The following MTUS2 variants were observed in gnomAD, a reference collection of about 807,000 sequenced individuals.
MTUS2 encodes microtubule-associated tumor suppressor candidate 2.
In MTUS2, 40 loss-of-function variants were observed where a neutral mutation model predicts 114.1. The ratio of observed to expected loss-of-function variants is 0.35; its 90% CI spans 0.27 to 0.46. MTUS2 has a LOEUF of 0.46. MTUS2 is among the 20% of genes least tolerant of loss of function. The pLI, the probability that MTUS2 is intolerant of heterozygous loss-of-function variation, is 1.00. For missense variants in MTUS2, 1,679 were observed against 1,705.4 expected (o/e 0.98, Z 0.27); for synonymous variants, 688 against 672.0 (o/e 1.02, Z -0.37).
chr13:29,314,972 A>G (rs564673879), intron 6 of MTUS2, among the ~76,000 whole-genome samples: 16 of 152,248 alleles, frequency 1.1e-4, no homozygotes, highest in Non-Finnish European at 1.8e-4. Flanking sequence ...CATATACACA[A>G]TGGAATACCA....
In MTUS2 at chr13:28,908,239, C is replaced by G. The variant is rs140228520; in HGVS notation, c.-243+68389C>G. Among the ~76,000 whole-genome samples, 21 of 151,560 alleles carry G rather than the reference C, an allele frequency of 1.4e-4. 1 individual carries two copies. The highest frequency in any genetic ancestry group is 4.9e-4 in the African/African-American group (20 of 41,096). ...ATGTGCCATGTTGTTGTGCTGCACC[C>G]AGTAACTTGTCATTTAACATTAGGT... On this transcript the variant is annotated intron_variant, in intron 2 of 15. Transcript: ENST00000612955.
chr13:29,153,040 T>C (rs954503587), intron 5 of MTUS2, among the ~76,000 whole-genome samples: 8 of 152,174 alleles, frequency 5.3e-5, no homozygotes, highest in Admixed American at 3.3e-4. Flanking sequence ...CCTGGAGAAA[T>C]ACCCTAACCC....
rs1899887764 is a variant in MTUS2 at position 29,314,098 on chromosome 13, AG to A, written c.2807-10513del. ...AGCAGACCAAGAAAGAGGAAGGCAT[AG>A]GAACCTGAAGTAGGAAGAAAGCAAA... On this transcript the variant is annotated intron_variant, in intron 6 of 15. Transcript: ENST00000612955. Among the ~76,000 whole-genome samples, 5 of 152,340 alleles carry A rather than the reference AG, an allele frequency of 3.3e-5. No homozygotes were observed. The South Asian group carries it at 1.0e-3, about 32-fold the overall frequency.
At position 29,498,533 on chromosome 13, in the gene MTUS2, A is replaced by G; in HGVS notation, c.3794A>G (p.Lys1265Arg). ...EQEKKILELEKLAEKNIILEE... is the reference protein window; with the variant it reads ...EQEKKILELERLAEKNIILEE... ...GAAAAGAAGATTCTTGAGCTGGAAA[A>G]GCTGGTGAGTTGGTCTGTTTGCTCG... The change falls in exon 14 of 16, where the codon AAG becomes AGG. Residue 1265 changes from lysine to arginine, a missense_variant. Lys to Arg is a conservative substitution (Grantham distance 26, BLOSUM62 2). Around this residue, in one of 3 missense-constraint regions of MTUS2, gnomAD observed 822 missense variants for 899.7 expected, o/e 0.91. Transcript: ENST00000612955. 3.1e-6 allele frequency: 5 copies of G among 1,614,104 alleles called. No individual in the cohort carries two copies. The highest frequency in any genetic ancestry group is 4.2e-6 in the Non-Finnish European group (5 of 1,179,980).
chr13:29,235,366 T>C (rs925861820), intron 5 of MTUS2, among the ~76,000 whole-genome samples: 1 of 152,204 alleles, frequency 6.6e-6, no homozygotes, highest in Non-Finnish European at 1.5e-5. Context: ...GTGCTGGGAT[T>C]GCAGGCATGA....
At chr13:29,355,313 G>C (rs951682443) in intron 7 of MTUS2, among the ~76,000 whole-genome samples, 8 of 152,246 alleles carry the variant, frequency 5.3e-5, no homozygotes, top group Admixed American at 2.0e-4. Flanking sequence ...ACAGTTGCCA[G>C]CTGCCACTGA....
intron 5 of MTUS2, among the ~76,000 whole-genome samples, chr13:29,213,146 C>G (rs111739660): frequency 0.017 from 1,593 of 94,762 alleles, no homozygotes; most frequent in East Asian, 0.065. Context: ...AAGTGCAAGG[C>G]TTTTAGGAGC....
In MTUS2 at chr13:28,885,234, C is replaced by T. The variant is rs554501280; in HGVS notation, c.-243+45384C>T. On this transcript the variant is annotated intron_variant, in intron 2 of 15. Coordinates refer to ENST00000612955, the MANE Select transcript of MTUS2 (RefSeq NM_001033602.4). The stretch of plus-strand genomic sequence containing the variant: ...GGTAAACATTAGTGAGAAAGTTTGG[C>T]GAGAATACAGACATATGTGTTCAAC... Among the ~76,000 whole-genome samples the T allele has an allele frequency of 4.6e-5, 7 of 152,078 alleles. 1 individual carries two copies. Among genetic ancestry groups the T allele is most frequent in the Admixed American group, 3.3e-4 (5 of 15,270 alleles).
intron 2 of MTUS2, among the ~76,000 whole-genome samples, chr13:28,962,095 T>G (rs1216521437): frequency 6.6e-6 from 1 of 151,476 alleles, no homozygotes; most frequent in Non-Finnish European, 1.5e-5. Flanking sequence ...TATATACATA[T>G]AAAATGAAGA....
chr13:29,289,973 A>G (rs1898639633), intron 6 of MTUS2, among the ~76,000 whole-genome samples: 1 of 152,086 alleles, frequency 6.6e-6, no homozygotes, highest in Admixed American at 6.5e-5. Flanking sequence ...CCCATGATCA[A>G]ATTTCTTTTT....
chr13:28,893,671 C>T (rs749769298), intron 2 of MTUS2, among the ~76,000 whole-genome samples: 1 of 152,126 alleles, frequency 6.6e-6, no homozygotes, highest in Non-Finnish European at 1.5e-5. Context: ...TGCTGGTTCC[C>T]TGGAGGAGCT....
chr13:29,503,290 C>CA lies in MTUS2; in HGVS notation c.*84_*85insA. ...GAGCACCGACCCGGTGCCGCCGGAG[C>CA]TGGCCCTGTGCGCATGCTCAGTAGC... On this transcript the variant is annotated 3_prime_UTR_variant, in exon 16 of 16. Transcript: ENST00000612955. The CA allele has an allele frequency of 1.3e-6, 2 of 1,496,562 alleles. No individual in the cohort carries two copies. The highest frequency in any genetic ancestry group is 1.8e-6 in the Non-Finnish European group (2 of 1,093,270). 92.7% of individuals were successfully genotyped at this position (1,496,562 alleles called of 1,614,324 possible).
intron 1 of MTUS2, among the ~76,000 whole-genome samples, chr13:28,828,076 C>T (rs1034660389): frequency 7.9e-5 from 12 of 152,126 alleles, no homozygotes; most frequent in African/African-American, 4.8e-5. Flanking sequence ...ACCGCTTATC[C>T]ACAACCGTAA....
intron 2 of MTUS2, among the ~76,000 whole-genome samples, chr13:29,015,102 T>G (rs1462990344): frequency 6.6e-6 from 1 of 152,182 alleles, no homozygotes; most frequent in Non-Finnish European, 1.5e-5. Flanking sequence ...GGAACAGAAA[T>G]CAGATCATTG....
chr13:29,406,194 TTA>T (rs2138520716), intron 8 of MTUS2, among the ~76,000 whole-genome samples: 1 of 152,302 alleles, frequency 6.6e-6, no homozygotes, highest in South Asian at 2.1e-4. Flanking sequence ...CCTGTCTTAG[TTA>T]TCTATTGTTG....
chr13:29,338,594 A>G (rs1242560374), intron 7 of MTUS2, among the ~76,000 whole-genome samples: 1 of 138,668 alleles, frequency 7.2e-6, no homozygotes, highest in Non-Finnish European at 1.6e-5. Flanking sequence ...CATCTCAGAA[A>G]ACAAAAAAAA....
chr13:28,896,729 G>A (rs1879294491), intron 2 of MTUS2, among the ~76,000 whole-genome samples: 1 of 152,138 alleles, frequency 6.6e-6, no homozygotes, highest in Non-Finnish European at 1.5e-5. Flanking sequence ...ACAGAACACA[G>A]CCCTCAGAAA....
chr13:29,332,047 T>C (rs920882209), intron 7 of MTUS2, among the ~76,000 whole-genome samples: 1 of 152,206 alleles, frequency 6.6e-6, no homozygotes, highest in Non-Finnish European at 1.5e-5. Context: ...CTGACAGGTT[T>C]TGATATCAGG....
chr13:29,155,845 T>C (rs1287809114), intron 5 of MTUS2, among the ~76,000 whole-genome samples: 1 of 152,140 alleles, frequency 6.6e-6, no homozygotes, highest in African/African-American at 2.4e-5. Context: ...TTAATTATAA[T>C]ATCATTAACT....
Sources: gnomAD v4.1 joint callset for allele counts (sites outside exome capture counted in the v4.1 genomes callset) on GRCh38, gnomAD v4.1.1 for gene constraint, gnomAD v4.1.1 regional missense constraint, MANE v1.5 for transcripts, NCBI Gene and HGNC (gene_info 2026-07-23, HGNC 2026-07-21) for gene names.